The following DST variants were observed in gnomAD, a reference collection of about 807,000 sequenced individuals.
The protein encoded by DST is bullous pemphigoid antigen.
A neutral mutation model predicts 875.2 loss-of-function variants in DST; 253 were observed. The ratio of observed to expected loss-of-function variants is 0.29; its 90% confidence interval spans 0.26 to 0.32. The LOEUF (loss-of-function observed/expected upper bound fraction) is 0.32, where lower values mean the gene tolerates loss of function less well. DST is among the 10% of genes least tolerant of loss of function. The probability of loss-of-function intolerance (pLI) is 1.00; values close to 1 mark genes in which losing one functional copy is unlikely to be tolerated. For synonymous variants in DST, 3,124 were observed against 3,197.1 expected (o/e 0.98, Z 0.77); for missense variants, 8,287 against 9,111.6 (o/e 0.91, Z 3.68).
At chr6:56,850,305 A>T (rs1343280879) in intron 4 of DST, among the ~76,000 whole-genome samples, 1 of 152,060 alleles carries the variant, frequency 6.6e-6, no homozygotes, top group African/African-American at 2.4e-5. Context: ...CTGGGGGGAC[A>T]AAAAGGGGGT....
intron 4 of DST, among the ~76,000 whole-genome samples, chr6:56,799,663 C>T (rs528389235): frequency 2.6e-5 from 4 of 151,224 alleles, no homozygotes; most frequent in Non-Finnish European, 5.9e-5. Flanking sequence ...TGCCCTGTTG[C>T]CCAACTGGAG....
At position 56,529,599 on chromosome 6, in the gene DST, A is replaced by C; in HGVS notation, c.17444T>G (p.Leu5815Arg). ...AGCATTACATAAGGCCTGCTGGAGG[A>C]GCTCAGACCTGCTGTGACTTTTCTC... ...IQEKSHSRSE[L>R]LQQALCNAKI... The change falls in exon 66 of 104, where the codon CTC (leucine) becomes CGC (arginine). Residue 5815 changes from leucine to arginine, a missense_variant. By Grantham distance (102) the Leu-to-Arg change is moderately radical. Around this residue, in one of 10 missense-constraint regions of DST, gnomAD observed 777 missense variants for 764.8 expected, o/e 1.02. Coordinates refer to ENST00000680361, the MANE Select transcript of DST (RefSeq NM_001374736.1). 6.2e-7 allele frequency: 1 copy of C among 1,613,770 alleles called. No homozygotes were observed. The highest frequency in any genetic ancestry group is 1.3e-5 in the African/African-American group (1 of 74,998).
In DST at chr6:56,553,483, A is replaced by T. The variant is rs191081991; in HGVS notation, c.15309T>A (p.Phe5103Leu). The stretch of plus-strand genomic sequence containing the variant: ...GAGACTGAGCGGTCAAAGTTTTACT[A>T]AAGTCTTTATGATCTTTAATTAATG... ...LESLIKDHKD[F>L]SKTLTAQSHM... Residue 5103 changes from phenylalanine (F) to leucine (L), a missense_variant, in exon 61 of 104, where the codon TTT (phenylalanine) becomes TTA (leucine). Phe to Leu is a conservative substitution (Grantham distance 22). Coordinates refer to ENST00000680361, the MANE Select transcript of DST (RefSeq NM_001374736.1). The T allele has an allele frequency of 1.1e-3, 1,848 of 1,613,490 alleles. 1 individual carries two copies. Among genetic ancestry groups the T allele is most frequent in the Non-Finnish European group, 1.4e-3 (1,706 of 1,179,778 alleles).
intron 10 of DST, 68 bp from the exon 11 acceptor site, chr6:56,651,312 G>A (rs989148091): frequency 1.1e-6 from 1 of 947,050 alleles, no homozygotes; most frequent in Non-Finnish European, 1.5e-6. Flanking sequence ...TAATTATATA[G>A]GTTTCCATTT....
rs138042978 is a variant in DST, at chr6:56,483,527, C to CTTT, written c.21208-653_21208-651dup. The CTTT allele has an allele frequency of 3.1e-3, 185 of 60,036 alleles. 23 individuals are homozygous for CTTT. The highest frequency in any genetic ancestry group is 6.1e-3 in the South Asian group (6 of 978). The allele number at this position is 60,036 out of a possible 1,614,324, so 3.7% of individuals were successfully genotyped here. A position where few individuals can be genotyped will look rare whatever the true frequency, so the allele number is the denominator to read the frequency against. On this transcript the variant is annotated intron_variant, in intron 88 of 103. Coordinates refer to ENST00000680361, the MANE Select transcript of DST (RefSeq NM_001374736.1). ...CTTAGAGGAAAAGCTTCTGGGTTTG[C>CTTT]TTTTTTTTTTTTTTTTTTTTTTTTT...
intron 60 of DST, 107 bp downstream of exon 60, chr6:56,555,238 G>T: frequency 8.0e-7 from 1 of 1,243,520 alleles, no homozygotes; most frequent in Non-Finnish European, 1.1e-6. Context: ...TGTTAACAGT[G>T]GGGCAGAGTC....
chr6:56,885,092 C>A (rs1784073034), intron 3 of DST, among the ~76,000 whole-genome samples: 1 of 152,196 alleles, frequency 6.6e-6, no homozygotes, highest in Non-Finnish European at 1.5e-5. Context: ...TTGATGGTTT[C>A]TATGAGTGTC....
intron 99 of DST, 76 bp from the exon 100 acceptor site, chr6:56,464,832 G>T: frequency 1.8e-6 from 2 of 1,138,796 alleles, no homozygotes; most frequent in South Asian, 1.3e-5. Flanking sequence ...TACAGTAGTT[G>T]AATATGCAAA....
rs76753624 is a variant in DST at position 56,624,903 on chromosome 6, A to C, written c.4830+254T>G. Among the ~76,000 whole-genome samples, 21 of 152,258 alleles carry C rather than the reference A, an allele frequency of 1.4e-4. No homozygotes were observed. In the East Asian group the frequency reaches 2.7e-3, roughly 20 times the overall value. On this transcript the variant is annotated intron_variant, in intron 35 of 103. Coordinates refer to ENST00000680361, the MANE Select transcript of DST (RefSeq NM_001374736.1). ...GAATAAACATTTTTAAAGGGTTTTT[A>C]AAAACCCTTAATAGAATGTATTGTT... is the stretch of plus-strand genomic sequence containing the variant.
chr6:56,618,689 A>G, intron 36 of DST: 1 of 1,613,766 alleles, frequency 6.2e-7, no homozygotes, highest in Non-Finnish European at 8.5e-7. Flanking sequence ...TTCTTGTTGA[A>G]GAGACACAAA....
At chr6:56,719,925 C>T (rs13192567) in intron 5 of DST, among the ~76,000 whole-genome samples, 10 of 151,990 alleles carry the variant, frequency 6.6e-5, no homozygotes, top group Admixed American at 6.6e-4. Flanking sequence ...GGAGGCAGGG[C>T]GAGATCACAG....
chr6:56,597,690 A>G (rs1216057601), intron 47 of DST, 50 bp downstream of exon 47: 2 of 1,559,002 alleles, frequency 1.3e-6, no homozygotes, highest in Admixed American at 3.5e-5. Flanking sequence ...TTCTCTCTTT[A>G]CCAACCTGGA....
intron 2 of DST, among the ~76,000 whole-genome samples, chr6:56,907,782 T>C (rs1402527180): frequency 6.6e-6 from 1 of 152,180 alleles, no homozygotes; most frequent in African/African-American, 2.4e-5. Context: ...TAGGTAAGCA[T>C]TATTGTTTTA....
intron 4 of DST, among the ~76,000 whole-genome samples, chr6:56,774,992 CAAAAAAAAAA>C (rs71549720): frequency 3.8e-5 from 2 of 52,322 alleles, no homozygotes; most frequent in South Asian, 7.5e-4. Context: ...AACTCCATCT[CAAAAAAAAAA>C]AAAAAAAAAG....
intron 8 of DST, among the ~76,000 whole-genome samples, chr6:56,700,538 G>A (rs946097735): frequency 3.3e-5 from 5 of 152,028 alleles, no homozygotes; most frequent in African/African-American, 1.2e-4. Flanking sequence ...TGCTATCAAT[G>A]TGCCATAAAT....
At chr6:56,883,802 T>C (rs985246926) in intron 3 of DST, among the ~76,000 whole-genome samples, 2 of 152,132 alleles carry the variant, frequency 1.3e-5, no homozygotes, top group African/African-American at 4.8e-5. Context: ...AAAGCCAATA[T>C]GAGGGATTTT....
chr6:56,614,523 TA>T, intron 36 of DST, 39 bp from the exon 37 acceptor site: 1 of 1,532,192 alleles, frequency 6.5e-7, no homozygotes, highest in Admixed American at 2.1e-5. Context: ...TACACTGCAT[TA>T]AATGACTTAG....
intron 2 of DST, among the ~76,000 whole-genome samples, chr6:56,928,092 G>A (rs1808164213): frequency 6.6e-6 from 1 of 152,206 alleles, no homozygotes; most frequent in Admixed American, 6.5e-5. Flanking sequence ...TTATACCTCT[G>A]AGGTGGGAGC....
intron 2 of DST, among the ~76,000 whole-genome samples, chr6:56,946,103 G>C (rs1385656403): frequency 1.3e-5 from 2 of 152,006 alleles, no homozygotes; most frequent in Non-Finnish European, 2.9e-5. Context: ...CCCAAGACAG[G>C]GAATATCAAG....
Sources: gnomAD v4.1 joint callset for allele counts (sites outside exome capture counted in the v4.1 genomes callset) on GRCh38, gnomAD v4.1.1 for gene constraint, gnomAD v4.1.1 regional missense constraint, MANE v1.5 for transcripts, NCBI Gene and HGNC (gene_info 2026-07-23, HGNC 2026-07-21) for gene names.